The following PLEKHG4B variants were observed in gnomAD, a reference collection of about 807,000 sequenced individuals.
PLEKHG4B encodes the protein pleckstrin homology domain-containing family G member 4B.
A neutral mutation model predicts 121.3 loss-of-function variants in PLEKHG4B; 111 were observed. The observed-to-expected ratio is 0.92, with a 90% confidence interval of 0.78 to 1.07. The LOEUF (loss-of-function observed/expected upper bound fraction) is 1.07. PLEKHG4B is among the 50% of genes least tolerant of loss of function. PLEKHG4B has a pLI of 0.00. For missense variants in PLEKHG4B, 1,831 were observed against 1,757.8 expected, an observed-to-expected ratio of 1.04 and a Z score of -0.74; for synonymous variants, 738 against 725.0, an observed-to-expected ratio of 1.02 and a Z score of -0.29.
intron 14 of PLEKHG4B, 128 bp from the exon 15 acceptor site, chr5:170,915 A>T: frequency 1.5e-6 from 1 of 686,062 alleles, no homozygotes; most frequent in Non-Finnish European, 2.5e-6. Flanking sequence ...CTTTCACCTG[A>T]TCATGGTACA....
rs74281592 is a variant in PLEKHG4B at position 183,991 on chromosome 5, C to CGATAGATAGATAGATAGATA, written c.*1687_*1706dup. The CGATAGATAGATAGATAGATA allele has an allele frequency of 1.6e-3, 171 of 104,702 alleles. 1 individual carries two copies. The highest frequency in any genetic ancestry group is 2.8e-3 in the South Asian group (9 of 3,178). 6.5% of individuals were successfully genotyped at this position (104,702 alleles called of 1,614,324 possible). A position where few individuals can be genotyped will look rare whatever the true frequency, so the allele number is the denominator to read the frequency against. Reference sequence around the variant, plus strand: ...CAGACAGATAGATAGATAGATAGATCGATAGATAGATAGATAGATAGATAG... The same window carrying CGATAGATAGATAGATAGATA: ...CAGACAGATAGATAGATAGATAGATCGATAGATAGATAGATAGATAGATAGATAGATAGATAGATAGATAG... On this transcript the variant is annotated 3_prime_UTR_variant, in exon 20 of 20. Transcript: ENST00000637938.
At chr5:174,415 G>T (rs1468271512) in intron 18 of PLEKHG4B, among the ~76,000 whole-genome samples, 1 of 146,520 alleles carries the variant, frequency 6.8e-6, no homozygotes, top group African/African-American at 2.5e-5. Flanking sequence ...TGGAGACTGA[G>T]TCCAGGGGCC....
intron 1 of PLEKHG4B, among the ~76,000 whole-genome samples, chr5:101,045 G>A (rs1480382798): frequency 8.3e-5 from 6 of 72,394 alleles, no homozygotes; most frequent in African/African-American, 1.8e-4. Flanking sequence ...CTGTAGGGGA[G>A]AGACTGTTGT....
intron 11 of PLEKHG4B, among the ~76,000 whole-genome samples, chr5:158,855 C>A (rs768393126): frequency 1.1e-4 from 16 of 152,060 alleles, no homozygotes; most frequent in Non-Finnish European, 2.2e-4. Flanking sequence ...CCAAGTCTTC[C>A]TCTTTTTTCA....
chr5:181,787 C>A, intron 19 of PLEKHG4B, 112 bp downstream of exon 19: 1 of 1,442,134 alleles, frequency 6.9e-7, no homozygotes, highest in Non-Finnish European at 9.4e-7. Context: ...CAGAGTGCAC[C>A]AGGCCTGTCG....
chr5:156,218 C>T lies in PLEKHG4B; in HGVS notation c.2348+8C>T. ...TGGCACAGAAGACAGCCGGTGAGCG[C>T]TCACAGGGGTCATGCTGGGCCCTGG... On this transcript the variant is annotated splice_region_variant and intron_variant, in intron 10 of 19. Transcript: ENST00000637938. The surrounding 1 kb of genome is among the most constrained non-coding windows in gnomAD (Gnocchi z 4.4). 1.3e-6 allele frequency: 2 copies of T among 1,492,206 alleles called. No individual in the cohort carries two copies. Among genetic ancestry groups the T allele is most frequent in the Non-Finnish European group, 1.8e-6 (2 of 1,114,892 alleles). 92.4% of individuals were successfully genotyped at this position (1,492,206 alleles called of 1,614,324 possible).
chr5:94,570 G>T (rs1444922422), intron 1 of PLEKHG4B, among the ~76,000 whole-genome samples: 1 of 144,660 alleles, frequency 6.9e-6, no homozygotes, highest in Non-Finnish European at 1.5e-5. Flanking sequence ...GTGAAGAGGG[G>T]TAGGCTGGGA....
chr5:164,305 A>C (rs117604821), intron 13 of PLEKHG4B, among the ~76,000 whole-genome samples: 7 of 152,242 alleles, frequency 4.6e-5, no homozygotes, highest in Non-Finnish European at 7.3e-5. Flanking sequence ...CATAAGGAGC[A>C]CGAAACCTAG....
At chr5:102,811 C>G (rs1361424311) in intron 1 of PLEKHG4B, among the ~76,000 whole-genome samples, 1 of 152,198 alleles carries the variant, frequency 6.6e-6, no homozygotes, top group Non-Finnish European at 1.5e-5. Flanking sequence ...ATGGCTTGGG[C>G]CCCCTTGGAA....
chr5:130,451 C>A (rs1294685848), intron 2 of PLEKHG4B, among the ~76,000 whole-genome samples: 1 of 152,124 alleles, frequency 6.6e-6, no homozygotes, highest in Non-Finnish European at 1.5e-5. Context: ...CCCTTAACGC[C>A]CCCCCATGCC....
At chr5:106,233 TTG>T (rs1733970435) in intron 1 of PLEKHG4B, among the ~76,000 whole-genome samples, 1 of 152,148 alleles carries the variant, frequency 6.6e-6, no homozygotes, top group African/African-American at 2.4e-5. Flanking sequence ...GCATAGCATA[TTG>T]TGGTTCTCCT....
chr5:154,621 C>CTTTTTTTTTT (rs35893349), intron 7 of PLEKHG4B, among the ~76,000 whole-genome samples: 4 of 131,886 alleles, frequency 3.0e-5, no homozygotes, highest in Non-Finnish European at 4.8e-5. Flanking sequence ...TCCTTCCTCC[C>CTTTTTTTTTT]TTTTTTTTTT....
In PLEKHG4B at chr5:163,342, G is replaced by T; in HGVS notation, c.3270G>T (p.Gln1090His). ...AAACGCAAAGTTTCGAGATACCTCA[G>T]CCCGACAGTGGCCCCAGGGACTCCT... Reference protein sequence around the residue: ...IKKTQSFEIPQPDSGPRDSCQ... With the variant: ...IKKTQSFEIPHPDSGPRDSCQ... Residue 1090 changes from glutamine (Q) to histidine (H), a missense_variant, in exon 13 of 20, where the codon CAG becomes CAT. By Grantham distance (24) the Gln-to-His change is conservative (BLOSUM62 0). Transcript: ENST00000637938. The T allele has an allele frequency of 6.2e-7, 1 of 1,613,312 alleles. No homozygotes were observed. Among genetic ancestry groups the T allele is most frequent in the Middle Eastern group, 1.6e-4 (1 of 6,062 alleles).
At position 161,251 on chromosome 5, in the gene PLEKHG4B, C is replaced by T. The variant is rs76347843; in HGVS notation, c.2488-532C>T. The stretch of plus-strand genomic sequence containing the variant: ...GGCTCCCCCATCTTTCCCAGGCAGC[C>T]TCAAGGGGCCAAGCAGCCACTGGCC... On this transcript the variant is annotated intron_variant, in intron 11 of 19. Transcript: ENST00000637938. 6.9e-3 allele frequency among the ~76,000 whole-genome samples: 1,057 copies of T among 152,340 alleles called. 12 individuals carry two copies. The highest frequency in any genetic ancestry group is 0.026 in the South Asian group (123 of 4,822).
At chr5:151,633 G>C (rs771643270) in intron 7 of PLEKHG4B, 34 bp downstream of exon 7, 7 of 1,403,308 alleles carry the variant, frequency 5.0e-6, no homozygotes, top group Middle Eastern at 1.8e-4. Context: ...CTGAGTGATG[G>C]ATAAAATTAA....
intron 3 of PLEKHG4B, among the ~76,000 whole-genome samples, chr5:141,540 G>T (rs1410253033): frequency 6.6e-6 from 1 of 150,980 alleles, no homozygotes; most frequent in Non-Finnish European, 1.5e-5. Context: ...CTGGATTCGG[G>T]GCCCCTCTAA....
chr5:169,536 G>C lies in PLEKHG4B; in HGVS notation c.3673G>C (p.Glu1225Gln), dbSNP rs1193942050. 4.3e-6 allele frequency: 7 copies of C among 1,613,864 alleles called. No homozygotes were observed. Among genetic ancestry groups the C allele is most frequent in the Non-Finnish European group, 5.9e-6 (7 of 1,180,056 alleles). Residue 1225 changes from glutamate (E) to glutamine (Q), a missense_variant, in exon 14 of 20, where the codon GAG (glutamate) becomes CAG (glutamine). Coordinates refer to ENST00000637938, the MANE Select transcript of PLEKHG4B (RefSeq NM_052909.5). ...CTTCCACCAGCAGCACTTCCTCCGG[G>C]AGCTGGAGCGCTGCCAGCACTGCCC... is the stretch of plus-strand genomic sequence containing the variant. Reference protein sequence around the residue: ...HDFHQQHFLRELERCQHCPLA... With the variant: ...HDFHQQHFLRQLERCQHCPLA...
At position 163,239 on chromosome 5, in the gene PLEKHG4B, G is replaced by C. The variant is rs1468625602; in HGVS notation, c.3167G>C (p.Ser1056Thr). Residue 1056 changes from serine to threonine, a missense_variant, in exon 13 of 20, where the codon AGC becomes ACC. Physicochemically the swap from Ser to Thr is moderately conservative, Grantham distance 58. Coordinates refer to ENST00000637938, the MANE Select transcript of PLEKHG4B (RefSeq NM_052909.5). ...AGATTAHLEDSSACSSEPTQT... is the reference protein window; with the variant it reads ...AGATTAHLEDTSACSSEPTQT... ...GCCACCACGGCCCACCTGGAGGACA[G>C]CTCTGCCTGTTCCTCTGAGCCCACC... The C allele has an allele frequency of 6.2e-7, 1 of 1,609,378 alleles. No individual in the cohort carries two copies. Among genetic ancestry groups the C allele is most frequent in the East Asian group, 2.2e-5 (1 of 44,898 alleles).
At chr5:95,829 G>A (rs1302616620) in intron 1 of PLEKHG4B, among the ~76,000 whole-genome samples, 2 of 152,098 alleles carry the variant, frequency 1.3e-5, no homozygotes, top group Non-Finnish European at 2.9e-5. Flanking sequence ...CCCCTCTGGT[G>A]TCTGCTGGAG....
Sources: allele counts gnomAD v4.1 joint callset (sites outside exome capture counted in the v4.1 genomes callset), GRCh38; gene constraint gnomAD v4.1.1; non-coding constraint Gnocchi (gnomAD v3.1); transcripts MANE v1.5; gene names NCBI Gene and HGNC (gene_info 2026-07-23, HGNC 2026-07-21).